The following RBM19 variants were observed in gnomAD, a reference collection of about 807,000 sequenced individuals.
RBM19 encodes the protein probable RNA-binding protein 19.
Under a neutral mutation model 116.8 loss-of-function variants are expected in RBM19, and 94 were observed. The observed-to-expected ratio is 0.80, with a 90% CI of 0.68 to 0.95. RBM19 has a LOEUF of 0.95. Among genes scored for constraint, RBM19 ranks in the 40% least tolerant of loss-of-function variants. RBM19 has a pLI of 0.00. For synonymous variants in RBM19, 475 were observed against 494.1 expected, an observed-to-expected ratio of 0.96 and a Z score of 0.51; for missense variants, 1,161 against 1,220.7, an observed-to-expected ratio of 0.95 and a Z score of 0.73.
At chr12:113,922,719 G>A (rs1868698846) in intron 18 of RBM19, among the ~76,000 whole-genome samples, 1 of 151,994 alleles carries the variant, frequency 6.6e-6, no homozygotes, top group Admixed American at 6.6e-5. Flanking sequence ...GAAGACCCTG[G>A]AGAACAGGGA....
intron 23 of RBM19, among the ~76,000 whole-genome samples, chr12:113,843,800 A>G (rs897745581): frequency 2.6e-5 from 4 of 152,160 alleles, no homozygotes; most frequent in Admixed American, 1.3e-4. Flanking sequence ...GACTGAACAC[A>G]ACCTCTTGGA....
At chr12:113,833,841 T>A (rs1463360449) in intron 23 of RBM19, among the ~76,000 whole-genome samples, 1 of 152,172 alleles carries the variant, frequency 6.6e-6, no homozygotes, top group African/African-American at 2.4e-5. Context: ...ACTCCTGGGC[T>A]CAAGTGATCC....
At chr12:113,844,568 T>C (rs1232535348) in intron 23 of RBM19, 100 bp downstream of exon 23, 7 of 1,442,800 alleles carry the variant, frequency 4.9e-6, no homozygotes, top group African/African-American at 2.9e-5. Flanking sequence ...CTTGTGCCCA[T>C]AGCCTGCTGG....
At chr12:113,949,858 C>T (rs925843425) in intron 9 of RBM19, among the ~76,000 whole-genome samples, 4 of 152,176 alleles carry the variant, frequency 2.6e-5, no homozygotes, top group Non-Finnish European at 5.9e-5. Flanking sequence ...ACACATTTAA[C>T]CACCTGTCTC....
chr12:113,820,664 G>A (rs1942531414), downstream of RBM19, among the ~76,000 whole-genome samples: 1 of 152,094 alleles, frequency 6.6e-6, no homozygotes, highest in Non-Finnish European at 1.5e-5. Context: ...TGGTGGGCGC[G>A]GCATGAAGGG....
At chr12:113,965,080 G>C (rs1034336940) in intron 1 of RBM19, among the ~76,000 whole-genome samples, 2 of 152,020 alleles carry the variant, frequency 1.3e-5, no homozygotes, top group African/African-American at 2.4e-5. Context: ...AGACCAACTT[G>C]TCCAACATGG....
chr12:113,924,555 C>T, intron 18 of RBM19, 142 bp downstream of exon 18: 1 of 773,422 alleles, frequency 1.3e-6, no homozygotes. Context: ...GAGTCTGAGG[C>T]TGACCATGCT....
intron 21 of RBM19, among the ~76,000 whole-genome samples, chr12:113,867,249 A>G (rs546785907): frequency 5.6e-4 from 86 of 152,350 alleles, no homozygotes; most frequent in Admixed American, 1.1e-3. Context: ...GCTACACTTA[A>G]TGAATGAATT....
intron 21 of RBM19, among the ~76,000 whole-genome samples, chr12:113,900,623 G>T (rs1684977932): frequency 1.3e-5 from 2 of 152,188 alleles, no homozygotes; most frequent in Non-Finnish European, 2.9e-5. Flanking sequence ...TCCCTGGCTA[G>T]TGTTTTTTTT....
intron 16 of RBM19, among the ~76,000 whole-genome samples, chr12:113,930,712 C>G (rs183068249): frequency 6.6e-6 from 1 of 152,220 alleles, no homozygotes; most frequent in African/African-American, 2.4e-5. Flanking sequence ...TGGCTGACCC[C>G]GGAGACGTCC....
At chr12:113,839,404 G>A (rs1239357980) in intron 23 of RBM19, among the ~76,000 whole-genome samples, 2 of 152,188 alleles carry the variant, frequency 1.3e-5, no homozygotes, top group Non-Finnish European at 2.9e-5. Context: ...TCTCTAGCAC[G>A]CCTGCTCTGT....
At chr12:113,922,575 C>T (rs2135869078) in intron 18 of RBM19, among the ~76,000 whole-genome samples, 1 of 152,100 alleles carries the variant, frequency 6.6e-6, no homozygotes, top group Non-Finnish European at 1.5e-5. Context: ...CTGGGTGCAC[C>T]TCTGTCAATC....
intron 21 of RBM19, among the ~76,000 whole-genome samples, chr12:113,863,437 C>T (rs1044737656): frequency 6.6e-6 from 1 of 152,214 alleles, no homozygotes; most frequent in Admixed American, 6.5e-5. Flanking sequence ...AAGCGAGAAC[C>T]CTCCAGAGAT....
At position 113,858,784 on chromosome 12, in the gene RBM19, G is replaced by T. The variant is rs767744814; in HGVS notation, c.2664+7C>A. 2 of 1,613,012 alleles carry T rather than the reference G, an allele frequency of 1.2e-6. No homozygotes were observed. Among genetic ancestry groups the T allele is most frequent in the East Asian group, 2.2e-5 (1 of 44,860 alleles). ...TGGACAGGTGGGGAAGGGATTCACG[G>T]TCTCACCTTCGCATCCTGCTTGGTG... is the stretch of plus-strand genomic sequence containing the variant. On this transcript the variant is annotated splice_region_variant and intron_variant, in intron 22 of 23. Coordinates refer to ENST00000261741, the MANE Select transcript of RBM19 (RefSeq NM_016196.4).
rs1469378611 is a variant in RBM19 at position 113,898,700 on chromosome 12, C to A, written c.2558+16269G>T. Among the ~76,000 whole-genome samples, 2 of 152,166 alleles carry A rather than the reference C, an allele frequency of 1.3e-5. No homozygotes were observed. ...ATTTGGTATTCTCATCCTGCACAAG[C>A]ACTTACTTATGCAAACAGGCATTCT... On this transcript the variant is annotated intron_variant, in intron 21 of 23. Coordinates refer to ENST00000261741, the MANE Select transcript of RBM19 (RefSeq NM_016196.4). This position sits in a 1 kb window ranked among gnomAD's most constrained non-coding sequence, Gnocchi z 4.3.
chr12:113,877,467 C>G (rs1424529544), intron 21 of RBM19, among the ~76,000 whole-genome samples: 2 of 152,206 alleles, frequency 1.3e-5, no homozygotes, highest in Non-Finnish European at 2.9e-5. Flanking sequence ...GCTGTCTTCT[C>G]CCCGGCCATG....
chr12:113,954,267 G>C (rs1330215796), intron 7 of RBM19, among the ~76,000 whole-genome samples: 5 of 152,076 alleles, frequency 3.3e-5, no homozygotes, highest in Admixed American at 1.3e-4. Flanking sequence ...ACTACAGCCT[G>C]GGCAACACAG....
chr12:113,955,155 C>A lies in RBM19; in HGVS notation c.897G>T (p.Arg299=). Residue 299 remains arginine, a synonymous_variant, in exon 7 of 24, where the codon CGG becomes CGT. Coordinates refer to ENST00000261741, the MANE Select transcript of RBM19 (RefSeq NM_016196.4). Reference sequence around the variant, plus strand: ...CCTCTGTGACATTGAACGGGGCTCCCCGCAGCTTCACGGTGTGGCAGGTGG... The same window carrying A: ...CCTCTGTGACATTGAACGGGGCTCCACGCAGCTTCACGGTGTGGCAGGTGG... ...EPTTCHTVKL[R]GAPFNVTEKN... 2 of 1,613,914 alleles carry A rather than the reference C, an allele frequency of 1.2e-6. No homozygotes were observed. Among genetic ancestry groups the A allele is most frequent in the South Asian group, 2.2e-5 (2 of 91,072 alleles).
Position 113,952,438 on chromosome 12 carries a change from C to T in RBM19, c.1000+74G>A. ...AAAACGGGTGCCCTTAAAACTTCTTCCTTATTCAAGTACCCCAACCTTCAA... is the reference window on the plus strand; with the variant it reads ...AAAACGGGTGCCCTTAAAACTTCTTTCTTATTCAAGTACCCCAACCTTCAA... On this transcript the variant is annotated intron_variant, in intron 8 of 23. Coordinates refer to ENST00000261741, the MANE Select transcript of RBM19 (RefSeq NM_016196.4). 2.2e-6 allele frequency: 3 copies of T among 1,381,136 alleles called. No homozygotes were observed. The South Asian group carries it at 3.6e-5, about 17-fold the overall frequency. 85.6% of individuals were successfully genotyped at this position (1,381,136 alleles called of 1,614,324 possible).
Sources: allele counts gnomAD v4.1 joint callset (sites outside exome capture counted in the v4.1 genomes callset), GRCh38; gene constraint gnomAD v4.1.1; non-coding constraint Gnocchi (gnomAD v3.1); transcripts MANE v1.5; gene names NCBI Gene and HGNC (gene_info 2026-07-23, HGNC 2026-07-21).